The following CDH10 variants were observed in gnomAD, a reference collection of about 807,000 sequenced individuals.
The protein encoded by CDH10 is cadherin 10.
Under a neutral mutation model 73.1 loss-of-function variants are expected in CDH10, and 30 were observed. The observed-to-expected ratio is 0.41, with a 90% CI of 0.31 to 0.56. CDH10 has a LOEUF of 0.56. Among genes scored for constraint, CDH10 ranks in the 20% least tolerant of loss-of-function variants. The pLI is 0.27. For missense variants in CDH10, 815 were observed against 973.7 expected, an observed-to-expected ratio of 0.84 and a Z score of 2.17; for synonymous variants, 345 against 348.2, an observed-to-expected ratio of 0.99 and a Z score of 0.10.
chr5:24,521,954 T>C (rs572862597), intron 5 of CDH10, among the ~76,000 whole-genome samples: 85 of 152,024 alleles, frequency 5.6e-4, no homozygotes, highest in African/African-American at 1.9e-3. Context: ...GCCAATATGG[T>C]GAAACCCTGT....
At chr5:24,587,145 C>A (rs1479206021) in intron 2 of CDH10, among the ~76,000 whole-genome samples, 2 of 152,046 alleles carry the variant, frequency 1.3e-5, no homozygotes, top group Non-Finnish European at 2.9e-5. Context: ...CGCCCGGCCG[C>A]CCATATTCTT....
chr5:24,602,675 GA>G (rs1746608584), intron 1 of CDH10, among the ~76,000 whole-genome samples: 1 of 152,156 alleles, frequency 6.6e-6, no homozygotes, highest in Non-Finnish European at 1.5e-5. Context: ...TTAATGGACT[GA>G]GTTAATCAAA....
intron 2 of CDH10, among the ~76,000 whole-genome samples, chr5:24,590,654 T>C (rs2112085170): frequency 6.6e-6 from 1 of 152,196 alleles, no homozygotes; most frequent in East Asian, 1.9e-4. Flanking sequence ...TGAGAAATTA[T>C]AGGCATCAAT....
Position 24,509,571 on chromosome 5 carries a change from G to C in CDH10, c.1251C>G (p.Pro417=), listed in dbSNP as rs1742821035. ...MARDPDSISS[P]IRFSLDRHTD... ...TTTTTAAAAGGCACACTTACCTAAT[G>C]GGGCTGGAAATAGAATCTGGGTCCC... The change falls in exon 7 of 12, where the codon CCC becomes CCG. Residue 417 remains proline, a synonymous_variant. Coordinates refer to ENST00000264463, the MANE Select transcript of CDH10 (RefSeq NM_006727.5). The C allele has an allele frequency of 6.2e-7, 1 of 1,613,552 alleles. No homozygotes were observed. The highest frequency in any genetic ancestry group is 1.3e-5 in the African/African-American group (1 of 74,840).
chr5:24,561,252 C>T (rs1049823402), intron 2 of CDH10, among the ~76,000 whole-genome samples: 1 of 152,014 alleles, frequency 6.6e-6, no homozygotes, highest in Non-Finnish European at 1.5e-5. Context: ...GGTTAAAAAG[C>T]GTAATCTCTG....
At chr5:24,527,481 G>A (rs1360375349) in intron 5 of CDH10, among the ~76,000 whole-genome samples, 1 of 151,466 alleles carries the variant, frequency 6.6e-6, no homozygotes, top group Non-Finnish European at 1.5e-5. Flanking sequence ...TCTGAGAAAT[G>A]CATTGTTAGA....
chr5:24,505,366 A>G (rs1026246145), intron 7 of CDH10, 118 bp from the exon 8 acceptor site: 16 of 787,468 alleles, frequency 2.0e-5, no homozygotes, highest in Non-Finnish European at 3.4e-5. Flanking sequence ...CACAGTGCTG[A>G]TCTGGAATGT....
intron 2 of CDH10, among the ~76,000 whole-genome samples, chr5:24,546,209 T>C (rs1490531164): frequency 6.6e-6 from 1 of 151,650 alleles, no homozygotes; most frequent in Non-Finnish European, 1.5e-5. Flanking sequence ...GTGTACAAAA[T>C]ACACAAACAA....
chr5:24,496,634 T>C (rs2111672681), intron 9 of CDH10, among the ~76,000 whole-genome samples: 1 of 152,276 alleles, frequency 6.6e-6, no homozygotes, highest in Non-Finnish European at 1.5e-5. Flanking sequence ...GTGCTACTCT[T>C]AAAGAGCAGT....
intron 1 of CDH10, among the ~76,000 whole-genome samples, chr5:24,636,422 T>C (rs568072498): frequency 6.6e-6 from 1 of 152,088 alleles, no homozygotes; most frequent in Non-Finnish European, 1.5e-5. Context: ...GAATGTAGGC[T>C]TATCACTGTG....
At chr5:24,520,033 G>A (rs1242027399) in intron 5 of CDH10, among the ~76,000 whole-genome samples, 1 of 152,052 alleles carries the variant, frequency 6.6e-6, no homozygotes, top group Non-Finnish European at 1.5e-5. Context: ...TGTCTTAATT[G>A]CTCCTTTTCA....
Position 24,511,478 on chromosome 5 carries a change from A to G in CDH10, c.851T>C (p.Val284Ala). The change falls in exon 6 of 12, where the codon GTT (valine) becomes GCT (alanine). Residue 284 changes from valine (V) to alanine (A), a missense_variant. Transcript: ENST00000264463. ...TTTGACACTTCCAATGGCTGTGCCAACTGGGGAGGATTCAAGAACTCGAAG... is the reference window on the plus strand; with the variant it reads ...TTTGACACTTCCAATGGCTGTGCCAGCTGGGGAGGATTCAAGAACTCGAAG... ...IHLRVLESSPVGTAIGSVKAT... is the reference protein window; with the variant it reads ...IHLRVLESSPAGTAIGSVKAT... 1 of 1,600,808 alleles carries G rather than the reference A, an allele frequency of 6.2e-7. No individual in the cohort carries two copies. The highest frequency in any genetic ancestry group is 8.5e-7 in the Non-Finnish European group (1 of 1,170,230).
chr5:24,642,831 G>C (rs1306584913), intron 1 of CDH10, among the ~76,000 whole-genome samples: 1 of 151,678 alleles, frequency 6.6e-6, no homozygotes, highest in African/African-American at 2.4e-5. Context: ...AAACCTTTAA[G>C]TGTATGAAAT....
intron 8 of CDH10, among the ~76,000 whole-genome samples, chr5:24,503,448 C>G (rs1742571276): frequency 6.6e-6 from 1 of 152,130 alleles, no homozygotes; most frequent in African/African-American, 2.4e-5. Flanking sequence ...TTCCACAGGG[C>G]CTTACCCTTA....
At chr5:24,630,486 G>A (rs539413974) in intron 1 of CDH10, among the ~76,000 whole-genome samples, 1 of 150,860 alleles carries the variant, frequency 6.6e-6, no homozygotes, top group South Asian at 2.1e-4. Context: ...CCAGGAGGCG[G>A]AAGCTGCAGT....
At chr5:24,524,946 ACTT>A (rs1252610418) in intron 5 of CDH10, among the ~76,000 whole-genome samples, 2 of 152,052 alleles carry the variant, frequency 1.3e-5, no homozygotes, top group African/African-American at 4.8e-5. Flanking sequence ...ATTCCTGTTC[ACTT>A]CTTCTACCAA....
At chr5:24,508,300 T>C (rs1742771782) in intron 7 of CDH10, among the ~76,000 whole-genome samples, 1 of 152,226 alleles carries the variant, frequency 6.6e-6, no homozygotes, top group African/African-American at 2.4e-5. Context: ...CATTGAAACA[T>C]TGATTCTTTT....
chr5:24,599,663 G>A (rs953117028), intron 1 of CDH10, among the ~76,000 whole-genome samples: 5 of 152,030 alleles, frequency 3.3e-5, no homozygotes, highest in African/African-American at 1.2e-4. Context: ...TTGGTGAAAA[G>A]CAATCAAAAG....
chr5:24,542,256 G>T (rs1044549721), intron 2 of CDH10, among the ~76,000 whole-genome samples: 3 of 152,122 alleles, frequency 2.0e-5, no homozygotes, highest in African/African-American at 7.2e-5. Context: ...AAGCTTACAC[G>T]TAAGTATATG....
Sources: allele counts gnomAD v4.1 joint callset (sites outside exome capture counted in the v4.1 genomes callset), GRCh38; gene constraint gnomAD v4.1.1; transcripts MANE v1.5; gene names NCBI Gene and HGNC (gene_info 2026-07-23, HGNC 2026-07-21).